CCDC85A: variants seen among roughly 807,000 people sequenced by gnomAD.
CCDC85A encodes coiled-coil domain containing 85A.
In CCDC85A, 38 loss-of-function variants were observed where a neutral mutation model predicts 50.2. The ratio of observed to expected loss-of-function variants is 0.76; its 90% confidence interval spans 0.58 to 0.99. CCDC85A has a LOEUF of 0.99. Ranked by LOEUF, CCDC85A falls within the 50% of genes least tolerant of loss-of-function variation. The pLI, the probability that CCDC85A is intolerant of heterozygous loss-of-function variation, is 0.00. For synonymous variants in CCDC85A, 366 were observed against 301.4 expected (o/e 1.21, Z -2.22); for missense variants, 820 against 742.0 (o/e 1.11, Z -1.22).
At chr2:56,211,253 AAT>A (rs1380370855) in intron 2 of CCDC85A, among the ~76,000 whole-genome samples, 3 of 152,112 alleles carry the variant, frequency 2.0e-5, no homozygotes, top group African/African-American at 7.2e-5. Context: ...TAGGAAACTG[AAT>A]ATGATTTTTG....
intron 2 of CCDC85A, among the ~76,000 whole-genome samples, chr2:56,258,995 TA>T (rs1044235942): frequency 9.2e-5 from 14 of 152,174 alleles, no homozygotes; most frequent in African/African-American, 3.1e-4. Flanking sequence ...GGGCCAACAC[TA>T]AATGAATAAA....
chr2:56,379,569 T>C (rs1676489038), intron 5 of CCDC85A, among the ~76,000 whole-genome samples: 1 of 152,178 alleles, frequency 6.6e-6, no homozygotes, highest in South Asian at 2.1e-4. Flanking sequence ...AATAGAATCA[T>C]TCCAAATAGA....
chr2:56,269,637 G>A (rs1307000329), intron 2 of CCDC85A, among the ~76,000 whole-genome samples: 1 of 152,074 alleles, frequency 6.6e-6, no homozygotes, highest in African/African-American at 2.4e-5. Flanking sequence ...CCATCTCTCA[G>A]GCTCACATTC....
chr2:56,288,344 C>T (rs1456736505), intron 2 of CCDC85A, among the ~76,000 whole-genome samples: 1 of 150,564 alleles, frequency 6.6e-6, no homozygotes, highest in Non-Finnish European at 1.5e-5. Flanking sequence ...GGAACAGACA[C>T]TTGTGTATTT....
chr2:56,240,996 A>T (rs942994991), intron 2 of CCDC85A, among the ~76,000 whole-genome samples: 1 of 152,174 alleles, frequency 6.6e-6, no homozygotes, highest in Admixed American at 6.5e-5. Flanking sequence ...CCAATAATAT[A>T]TGAGGGTTTC....
chr2:56,273,823 G>A (rs752641019), intron 2 of CCDC85A, among the ~76,000 whole-genome samples: 1 of 151,956 alleles, frequency 6.6e-6, no homozygotes, highest in Admixed American at 6.6e-5. Context: ...AAAAAATGGA[G>A]TTTATAGAAT....
At chr2:56,285,968 G>T (rs1310523509) in intron 2 of CCDC85A, among the ~76,000 whole-genome samples, 2 of 151,912 alleles carry the variant, frequency 1.3e-5, no homozygotes, top group African/African-American at 2.4e-5. Flanking sequence ...AGATTTGAAG[G>T]ATATATTTAT....
intron 2 of CCDC85A, among the ~76,000 whole-genome samples, chr2:56,242,691 A>G (rs111498081): frequency 6.6e-6 from 1 of 152,134 alleles, no homozygotes; most frequent in African/African-American, 2.4e-5. Flanking sequence ...TAGTTTGCAA[A>G]TATTTTCTCC....
chr2:56,252,222 A>G (rs1238022269), intron 2 of CCDC85A, among the ~76,000 whole-genome samples: 2 of 151,578 alleles, frequency 1.3e-5, no homozygotes, highest in Non-Finnish European at 2.9e-5. Flanking sequence ...AATTTTTTGT[A>G]TTTTTAGTAG....
chr2:56,346,262 C>T (rs1024678083), intron 3 of CCDC85A, among the ~76,000 whole-genome samples: 4 of 152,094 alleles, frequency 2.6e-5, no homozygotes, highest in Non-Finnish European at 5.9e-5. Context: ...GTGGATTTCT[C>T]CCTGGTTAGA....
intron 2 of CCDC85A, among the ~76,000 whole-genome samples, chr2:56,213,128 AC>A (rs889395750): frequency 1.9e-4 from 29 of 152,120 alleles, no homozygotes; most frequent in South Asian, 1.4e-3. Flanking sequence ...AATCAAAGAA[AC>A]GAGAAGTGAA....
At chr2:56,347,188 A>G (rs192462386) in intron 3 of CCDC85A, among the ~76,000 whole-genome samples, 1 of 152,328 alleles carries the variant, frequency 6.6e-6, no homozygotes, top group East Asian at 1.9e-4. Context: ...GCTGGATAGA[A>G]CCTTATGTGT....
chr2:56,294,159 C>G (rs1002620966), intron 2 of CCDC85A, among the ~76,000 whole-genome samples: 2 of 152,080 alleles, frequency 1.3e-5, no homozygotes, highest in African/African-American at 4.8e-5. Flanking sequence ...GACCTGGAAG[C>G]CATTATCCTC....
chr2:56,236,049 G>T (rs1389816473), intron 2 of CCDC85A, among the ~76,000 whole-genome samples: 2 of 152,188 alleles, frequency 1.3e-5, no homozygotes, highest in Non-Finnish European at 2.9e-5. Context: ...TTTGGTTGGG[G>T]TTCAACGAGT....
chr2:56,216,974 G>A (rs79027831), intron 2 of CCDC85A, among the ~76,000 whole-genome samples: 5,562 of 151,890 alleles, frequency 0.037, 134 homozygotes, highest in Middle Eastern at 0.088. Context: ...TGCCCTGTGG[G>A]TTTGTGTTGC....
intron 2 of CCDC85A, among the ~76,000 whole-genome samples, chr2:56,195,926 TG>T (rs1410130777): frequency 1.3e-5 from 2 of 152,264 alleles, no homozygotes; most frequent in African/African-American, 4.8e-5. Context: ...TTGTCCTACC[TG>T]TAAAGATATG....
intron 5 of CCDC85A, among the ~76,000 whole-genome samples, chr2:56,380,051 A>G (rs1390404611): frequency 6.6e-6 from 1 of 152,156 alleles, no homozygotes; most frequent in East Asian, 1.9e-4. Context: ...TTCAATTTAG[A>G]GATGATCAGC....
chr2:56,263,475 C>G (rs1018576556), intron 2 of CCDC85A, among the ~76,000 whole-genome samples: 4 of 152,212 alleles, frequency 2.6e-5, no homozygotes, highest in African/African-American at 9.6e-5. Flanking sequence ...TGCCCCTTCT[C>G]TGCCTGTCTG....
chr2:56,318,916 A>G (rs1215065555), intron 2 of CCDC85A, among the ~76,000 whole-genome samples: 2 of 152,116 alleles, frequency 1.3e-5, no homozygotes, highest in Non-Finnish European at 2.9e-5. Flanking sequence ...AGCCCATGAA[A>G]GCCAAGGACA....
Sources: allele counts gnomAD v4.1 joint callset (sites outside exome capture counted in the v4.1 genomes callset), GRCh38; gene constraint gnomAD v4.1.1; transcripts MANE v1.5; gene names NCBI Gene and HGNC (gene_info 2026-07-23, HGNC 2026-07-21).